The following LPCAT1 variants were observed in gnomAD, a reference collection of about 807,000 sequenced individuals.
LPCAT1 encodes lysophosphatidylcholine acyltransferase 1.
Under a neutral mutation model 60.9 loss-of-function variants are expected in LPCAT1, and 23 were observed. The observed-to-expected ratio is 0.38, with a 90% CI of 0.27 to 0.53. The LOEUF (loss-of-function observed/expected upper bound fraction) is 0.53, where lower values mean the gene tolerates loss of function less well. Among genes scored for constraint, LPCAT1 ranks in the 20% least tolerant of loss-of-function variants. The pLI is 0.82. For missense variants in LPCAT1, 622 were observed against 723.6 expected (o/e 0.86, Z 1.61); for synonymous variants, 340 against 301.1 (o/e 1.13, Z -1.34).
At chr5:1,508,910 C>T (rs1027764309) in intron 1 of LPCAT1, among the ~76,000 whole-genome samples, 11 of 152,260 alleles carry the variant, frequency 7.2e-5, no homozygotes, top group African/African-American at 2.7e-4. Flanking sequence ...CATCACCCGG[C>T]GTTTCACAAT....
In LPCAT1 at chr5:1,521,200, A is replaced by T; in HGVS notation, c.135+2510T>A. On this transcript the variant is annotated intron_variant, in intron 1 of 13. Coordinates refer to ENST00000283415, the MANE Select transcript of LPCAT1 (RefSeq NM_024830.5). This position sits in a 1 kb window ranked among gnomAD's most constrained non-coding sequence, Gnocchi z 4.3. ...TCTTAATGTGCTGTTTTCTGTCCAA[A>T]GAGATACTTAAGCTCCTCACTAAAT... is the stretch of plus-strand genomic sequence containing the variant. 5.5e-6 allele frequency: 2 copies of T among 366,558 alleles called. No individual in the cohort carries two copies. The highest frequency in any genetic ancestry group is 7.6e-6 in the Non-Finnish European group (2 of 264,588). The allele number at this position is 366,558 out of a possible 1,614,324, so 22.7% of individuals were successfully genotyped here. A position where few individuals can be genotyped will look rare whatever the true frequency, so the allele number is the denominator to read the frequency against.
intron 13 of LPCAT1, 102 bp from the exon 14 acceptor site, chr5:1,463,937 C>T: frequency 8.2e-7 from 1 of 1,218,308 alleles, no homozygotes; most frequent in South Asian, 1.4e-5. Flanking sequence ...CACCTCACGC[C>T]CTCCAGGGAG....
At chr5:1,495,000 C>A in intron 2 of LPCAT1, 86 bp from the exon 3 acceptor site, 1 of 1,284,762 alleles carries the variant, frequency 7.8e-7, no homozygotes. Context: ...CACGGGAGAG[C>A]CCTCCAGGGC....
rs1735144389 is a variant in LPCAT1 at position 1,481,562 on chromosome 5, G to A, written c.727-586C>T. Among the ~76,000 whole-genome samples, 1 of 152,284 alleles carries A rather than the reference G, an allele frequency of 6.6e-6. No individual in the cohort carries two copies. Among genetic ancestry groups the A allele is most frequent in the African/African-American group, 2.4e-5 (1 of 41,480 alleles). The stretch of plus-strand genomic sequence containing the variant: ...GAGGCCCAGACACCGTCACCCTGGG[G>A]TGGACCTTCTGCTCCCCTGACGGCT... On this transcript the variant is annotated intron_variant, in intron 6 of 13. Transcript: ENST00000283415. The surrounding 1 kb of genome is among the most constrained non-coding windows in gnomAD (Gnocchi z 7.8).
chr5:1,479,971 T>C (rs1735071017), intron 7 of LPCAT1, among the ~76,000 whole-genome samples: 1 of 151,626 alleles, frequency 6.6e-6, no homozygotes, highest in African/African-American at 2.4e-5. Flanking sequence ...CCCACACCTG[T>C]CCCTCCACAC....
rs117894758 is a variant in LPCAT1 at position 1,503,655 on chromosome 5, C to T, written c.136-2052G>A. Among the ~76,000 whole-genome samples the T allele has an allele frequency of 6.3e-4, 96 of 152,366 alleles. No individual in the cohort carries two copies. In the East Asian group the frequency reaches 0.016, roughly 26 times the overall value. ...GCGGCTTCCTCGTGCAGTCGCCCTACGAAACCAGCGTGCACCCATGCCTGC... is the reference window on the plus strand; with the variant it reads ...GCGGCTTCCTCGTGCAGTCGCCCTATGAAACCAGCGTGCACCCATGCCTGC... On this transcript the variant is annotated intron_variant, in intron 1 of 13. Coordinates refer to ENST00000283415, the MANE Select transcript of LPCAT1 (RefSeq NM_024830.5).
rs1427904363 is a variant in LPCAT1, at chr5:1,521,278, C to T, written c.135+2432G>A. On this transcript the variant is annotated intron_variant, in intron 1 of 13. Transcript: ENST00000283415. This position sits in a 1 kb window ranked among gnomAD's most constrained non-coding sequence, Gnocchi z 4.3. ...TGGAGGAGGAGGTGTCCCCGCATGG[C>T]GCTAATCCGAAGACACACAGCAGCC... 4 of 961,588 alleles carry T rather than the reference C, an allele frequency of 4.2e-6. No homozygotes were observed. Among genetic ancestry groups the T allele is most frequent in the Non-Finnish European group, 4.9e-6 (4 of 808,468 alleles). The allele number at this position is 961,588 out of a possible 1,614,324, so 59.6% of individuals were successfully genotyped here. A position where few individuals can be genotyped will look rare whatever the true frequency, so the allele number is the denominator to read the frequency against.
At chr5:1,508,845 C>A (rs2126606523) in intron 1 of LPCAT1, among the ~76,000 whole-genome samples, 1 of 152,364 alleles carries the variant, frequency 6.6e-6, no homozygotes, top group East Asian at 1.9e-4. Flanking sequence ...AGCTGGCAAA[C>A]CCCTCCCTCG....
rs377217388 is a variant in LPCAT1, at chr5:1,472,783, G to A, written c.1179+1174C>T. 3.9e-4 allele frequency among the ~76,000 whole-genome samples: 60 copies of A among 152,170 alleles called. No individual in the cohort carries two copies. In the East Asian group the frequency reaches 7.4e-3, roughly 19 times the overall value. ...TGTTTGCAGCTGCCTCGTAGTAGAG[G>A]GCCCGCGGCTGGGGGCCCCTTACGG... On this transcript the variant is annotated intron_variant, in intron 11 of 13. Coordinates refer to ENST00000283415, the MANE Select transcript of LPCAT1 (RefSeq NM_024830.5).
chr5:1,465,733 G>A (rs1734361531), intron 13 of LPCAT1, among the ~76,000 whole-genome samples: 1 of 151,952 alleles, frequency 6.6e-6, no homozygotes, highest in African/African-American at 2.4e-5. Flanking sequence ...TTTCAATACT[G>A]AAACAAGCAT....
Position 1,495,639 on chromosome 5 carries a change from G to A in LPCAT1, c.279-725C>T, listed in dbSNP as rs1323162955. 6.6e-6 allele frequency among the ~76,000 whole-genome samples: 1 copy of A among 152,094 alleles called. No homozygotes were observed. The highest frequency in any genetic ancestry group is 2.4e-5 in the African/African-American group (1 of 41,398). On this transcript the variant is annotated intron_variant, in intron 2 of 13. Coordinates refer to ENST00000283415, the MANE Select transcript of LPCAT1 (RefSeq NM_024830.5). The surrounding 1 kb of genome is among the most constrained non-coding windows in gnomAD (Gnocchi z 4.7). ...ATTCCACACCTCAGGGAATTGACAC[G>A]CAGCAGACAGCCACGGTGTGTGAGA...
At chr5:1,519,642 A>G (rs1000954650) in intron 1 of LPCAT1, among the ~76,000 whole-genome samples, 1 of 152,228 alleles carries the variant, frequency 6.6e-6, no homozygotes, top group African/African-American at 2.4e-5. Flanking sequence ...ACGGCACAGC[A>G]GCTGGGCCTC....
At chr5:1,491,840 TTTCA>T (rs575103897) in intron 3 of LPCAT1, among the ~76,000 whole-genome samples, 110 of 152,364 alleles carry the variant, frequency 7.2e-4, no homozygotes, top group African/African-American at 2.4e-3. Flanking sequence ...GGTTGATCAC[TTTCA>T]TTGGTATTCA....
At chr5:1,501,724 T>C (rs1187350011) in intron 1 of LPCAT1, 121 bp from the exon 2 acceptor site, 3 of 1,009,184 alleles carry the variant, frequency 3.0e-6, no homozygotes, top group Non-Finnish European at 3.0e-6. Flanking sequence ...GGGGAGGGGC[T>C]GCAGCTGGCA....
intron 2 of LPCAT1, among the ~76,000 whole-genome samples, chr5:1,499,704 C>T (rs10058182): frequency 0.42 from 63,101 of 152,014 alleles, 15,775 homozygotes; most frequent in African/African-American, 0.71. Flanking sequence ...CAGCAGGGCC[C>T]AGAGTGAGGG....
At chr5:1,473,166 G>C (rs1210022334) in intron 11 of LPCAT1, among the ~76,000 whole-genome samples, 2 of 152,194 alleles carry the variant, frequency 1.3e-5, no homozygotes, top group Non-Finnish European at 1.5e-5. Flanking sequence ...CTGCACTGCA[G>C]CTGCTCCGTG....
chr5:1,484,977 A>C (rs1735316187), intron 5 of LPCAT1, among the ~76,000 whole-genome samples: 1 of 152,198 alleles, frequency 6.6e-6, no homozygotes, highest in Admixed American at 6.5e-5. Context: ...CCCAGGCTCA[A>C]GCCCCAGCTC....
rs952545037 is a variant in LPCAT1 at position 1,488,402 on chromosome 5, G to A, written c.656C>T (p.Thr219Ile). The change falls in exon 5 of 14, where the codon ACC (threonine) becomes ATC (isoleucine). Residue 219 changes from threonine (T) to isoleucine (I), a missense_variant. Transcript: ENST00000283415. ...AGAAAACTACATACCAGGTTTGAAG[G>A]TAATTAGGCAGGTCCTGTTTGTACA... Reference protein sequence around the residue: ...GTCTNRTCLITFKPGAFIPGA... With the variant: ...GTCTNRTCLIIFKPGAFIPGA... The A allele has an allele frequency of 6.3e-7, 1 of 1,586,568 alleles. No homozygotes were observed. The highest frequency in any genetic ancestry group is 8.6e-7 in the Non-Finnish European group (1 of 1,168,014).
chr5:1,466,739 G>T lies in LPCAT1; in HGVS notation c.1420+10C>A. 6.2e-7 allele frequency: 1 copy of T among 1,607,982 alleles called. No individual in the cohort carries two copies. Among genetic ancestry groups the T allele is most frequent in the Non-Finnish European group, 8.5e-7 (1 of 1,176,226 alleles). ...GGGTCGCGAGGACGACCCCACTCCT[G>T]CGGGCTCACCGAATGTGATCTTCCC... On this transcript the variant is annotated intron_variant, in intron 13 of 13. Coordinates refer to ENST00000283415, the MANE Select transcript of LPCAT1 (RefSeq NM_024830.5).
Sources: gnomAD v4.1 joint callset for allele counts (sites outside exome capture counted in the v4.1 genomes callset) on GRCh38, gnomAD v4.1.1 for gene constraint, Gnocchi (gnomAD v3.1) non-coding constraint, MANE v1.5 for transcripts, NCBI Gene and HGNC (gene_info 2026-07-23, HGNC 2026-07-21) for gene names.